PCNX2: variants seen among roughly 807,000 people sequenced by gnomAD.
The protein encoded by PCNX2 is pecanex 2, also known as pecanex-like protein 2.
PCNX2 carries 168 observed loss-of-function variants against 223.8 expected under a neutral mutation model. The observed-to-expected ratio is 0.75, with a 90% CI of 0.66 to 0.85. The LOEUF is 0.85. Among genes scored for constraint, PCNX2 ranks in the 40% least tolerant of loss-of-function variants. The probability of loss-of-function intolerance (pLI) is 0.00; values close to 1 mark genes in which losing one functional copy is unlikely to be tolerated. For missense variants in PCNX2, 2,507 were observed against 2,675.5 expected (o/e 0.94, Z 1.39); for synonymous variants, 1,006 against 1,052.6 (o/e 0.96, Z 0.86).
intron 23 of PCNX2, among the ~76,000 whole-genome samples, chr1:233,066,389 A>G (rs1672611040): frequency 6.6e-6 from 1 of 152,192 alleles, no homozygotes; most frequent in South Asian, 2.1e-4. Flanking sequence ...CAAAGCTATA[A>G]CACCCCCTTG....
At chr1:233,234,094 T>C (rs569854834) in intron 9 of PCNX2, among the ~76,000 whole-genome samples, 19 of 152,296 alleles carry the variant, frequency 1.2e-4, no homozygotes, top group Non-Finnish European at 2.5e-4. Context: ...TGACTGGCTG[T>C]TAAACTTCTT....
intron 8 of PCNX2, among the ~76,000 whole-genome samples, chr1:233,246,006 TC>T (rs1659094094): frequency 6.6e-6 from 1 of 152,170 alleles, no homozygotes; most frequent in African/African-American, 2.4e-5. Context: ...CATTTCTAGC[TC>T]CCTGTGGAAA....
intron 25 of PCNX2, among the ~76,000 whole-genome samples, chr1:233,039,568 T>C (rs991669141): frequency 2.6e-5 from 4 of 152,228 alleles, no homozygotes; most frequent in Non-Finnish European, 5.9e-5. Flanking sequence ...CATCCTACCA[T>C]GAGCCAGTCA....
intron 23 of PCNX2, chr1:233,065,319 G>A (rs1205094405): frequency 1.3e-5 from 2 of 152,152 alleles, no homozygotes; most frequent in Non-Finnish European, 2.9e-5. Context: ...TTTCCTGAAA[G>A]TCTATTTGAG....
chr1:232,988,990 A>G (rs567298619), intron 32 of PCNX2, among the ~76,000 whole-genome samples: 36 of 152,334 alleles, frequency 2.4e-4, no homozygotes, highest in African/African-American at 8.4e-4. Context: ...GAGGGACCCC[A>G]GTCCGCTCAG....
intron 23 of PCNX2, chr1:233,057,711 A>G (rs1296038725): frequency 9.4e-6 from 2 of 213,094 alleles, no homozygotes; most frequent in Non-Finnish European, 1.6e-5. Flanking sequence ...CTCTACTAAA[A>G]ATACAAAAAG....
In PCNX2 at chr1:233,090,141, G is replaced by T; in HGVS notation, c.3996C>A (p.Thr1332=). Residue 1332 remains threonine (T), a synonymous_variant, in exon 23 of 34, where the codon ACC becomes ACA. Transcript: ENST00000258229. ...FQTIATSIFS[T]PLSPFLGSVI... is the part of the protein sequence containing the mutation. ...CACTCCCAAGAAATGGGCTCAATGG[G>T]GTAGAAAAGATTGATGTGGCAATCG... 1 of 1,613,810 alleles carries T rather than the reference G, an allele frequency of 6.2e-7. No homozygotes were observed. The highest frequency in any genetic ancestry group is 8.5e-7 in the Non-Finnish European group (1 of 1,179,802).
Position 233,225,121 on chromosome 1 carries a change from A to T in PCNX2, c.2504+2105T>A, listed in dbSNP as rs912092528. The stretch of plus-strand genomic sequence containing the variant: ...TCCCAGAACTAAAGTAAAAAAAAAA[A>T]AAAAAAAAAAAAAAAAATGTTATGT... On this transcript the variant is annotated intron_variant, in intron 10 of 33. Transcript: ENST00000258229. Among the ~76,000 whole-genome samples the T allele has an allele frequency of 4.0e-5, 6 of 151,076 alleles. No individual in the cohort carries two copies. In the East Asian group the frequency reaches 5.8e-4, roughly 15 times the overall value.
intron 21 of PCNX2, among the ~76,000 whole-genome samples, chr1:233,121,485 A>G (rs1391356178): frequency 1.3e-5 from 2 of 152,238 alleles, no homozygotes; most frequent in African/African-American, 2.4e-5. Context: ...AGCAAAATAG[A>G]CACATATATT....
intron 1 of PCNX2, among the ~76,000 whole-genome samples, chr1:233,271,518 TC>T (rs140572059): frequency 0.084 from 12,760 of 152,262 alleles, 692 homozygotes; most frequent in South Asian, 0.17. Flanking sequence ...CAAGCCTATA[TC>T]AATTAATGTT....
intron 19 of PCNX2, among the ~76,000 whole-genome samples, chr1:233,145,603 A>G (rs1277258741): frequency 6.6e-6 from 1 of 152,062 alleles, no homozygotes; most frequent in Non-Finnish European, 1.5e-5. Flanking sequence ...CGCCTTCTGG[A>G]GACCTCAGGC....
At chr1:233,213,972 G>A (rs1367455711) in intron 12 of PCNX2, among the ~76,000 whole-genome samples, 1 of 151,746 alleles carries the variant, frequency 6.6e-6, no homozygotes, top group African/African-American at 2.4e-5. Flanking sequence ...GGGATTACAG[G>A]TGCCTGCCAC....
chr1:233,236,018 T>C (rs2102961850), intron 9 of PCNX2, among the ~76,000 whole-genome samples: 1 of 146,858 alleles, frequency 6.8e-6, no homozygotes, highest in East Asian at 2.0e-4. Context: ...TGAGCTTTTC[T>C]AGAATGAACT....
intron 21 of PCNX2, among the ~76,000 whole-genome samples, chr1:233,121,685 C>T (rs1185725421): frequency 1.3e-5 from 2 of 152,114 alleles, no homozygotes; most frequent in Non-Finnish European, 2.9e-5. Context: ...ATGGTAGAAG[C>T]TAAGTTTCTC....
chr1:233,089,568 T>A (rs1266293371), intron 23 of PCNX2, among the ~76,000 whole-genome samples: 1 of 152,190 alleles, frequency 6.6e-6, no homozygotes, highest in Non-Finnish European at 1.5e-5. Flanking sequence ...GGTGAAGAAA[T>A]CATCTTCACT....
intron 23 of PCNX2, among the ~76,000 whole-genome samples, chr1:233,086,303 G>A (rs986156398): frequency 7.2e-5 from 11 of 152,148 alleles, no homozygotes; most frequent in Non-Finnish European, 1.5e-4. Flanking sequence ...TTTCCAATAT[G>A]GTAGCCTCCC....
chr1:233,285,110 C>T (rs1044888416), intron 1 of PCNX2: 3 of 699,448 alleles, frequency 4.3e-6, no homozygotes, highest in Non-Finnish European at 3.5e-6. Flanking sequence ...CCCAACACTT[C>T]GGGAGGCCAA....
At chr1:233,146,439 CA>C (rs1334073035) in intron 19 of PCNX2, among the ~76,000 whole-genome samples, 1 of 152,182 alleles carries the variant, frequency 6.6e-6, no homozygotes, top group Non-Finnish European at 1.5e-5. Flanking sequence ...TATTAAACAA[CA>C]TTTCCTATTT....
At chr1:233,143,592 G>A (rs1412217576) in intron 19 of PCNX2, among the ~76,000 whole-genome samples, 3 of 152,074 alleles carry the variant, frequency 2.0e-5, no homozygotes, top group East Asian at 1.9e-4. Flanking sequence ...GTGTTTTGAC[G>A]AGTCCTACAA....
Sources: gnomAD v4.1 joint callset for allele counts (sites outside exome capture counted in the v4.1 genomes callset) on GRCh38, gnomAD v4.1.1 for gene constraint, MANE v1.5 for transcripts, NCBI Gene and HGNC (gene_info 2026-07-23, HGNC 2026-07-21) for gene names.